CRYL1: variants seen among roughly 807,000 people sequenced by gnomAD.
CRYL1 encodes crystallin lambda 1.
A neutral mutation model predicts 36.6 loss-of-function variants in CRYL1; 29 were observed. The ratio of observed to expected loss-of-function variants is 0.79; its 90% confidence interval spans 0.59 to 1.08. CRYL1 has a LOEUF of 1.08. Ranked by LOEUF, CRYL1 falls within the 50% of genes least tolerant of loss-of-function variation. The pLI, the probability that CRYL1 is intolerant of heterozygous loss-of-function variation, is 0.00. For missense variants in CRYL1, 411 were observed against 407.9 expected, an observed-to-expected ratio of 1.01 and a Z score of -0.06; for synonymous variants, 152 against 151.5, an observed-to-expected ratio of 1.00 and a Z score of -0.02.
chr13:20,470,753 A>T (rs2033034826), intron 3 of CRYL1, among the ~76,000 whole-genome samples: 1 of 151,998 alleles, frequency 6.6e-6, no homozygotes, highest in East Asian at 1.9e-4. Flanking sequence ...CACTAAAACT[A>T]CAAAAAATCA....
At chr13:20,486,343 T>C (rs1344549175) in intron 3 of CRYL1, among the ~76,000 whole-genome samples, 2 of 152,226 alleles carry the variant, frequency 1.3e-5, no homozygotes, top group Admixed American at 1.3e-4. Flanking sequence ...GCATGGCGAC[T>C]TGGTTTCCAC....
At chr13:20,479,668 G>A (rs2137458672) in intron 3 of CRYL1, among the ~76,000 whole-genome samples, 1 of 152,278 alleles carries the variant, frequency 6.6e-6, no homozygotes, top group South Asian at 2.1e-4. Context: ...GTGGAAAAAA[G>A]GCTGGAGGTA....
intron 3 of CRYL1, among the ~76,000 whole-genome samples, chr13:20,474,038 T>C (rs1242613688): frequency 1.6e-4 from 25 of 152,152 alleles, no homozygotes; most frequent in Non-Finnish European, 1.5e-5. Context: ...TCCCTACCTC[T>C]GGGCTGGGAA....
chr13:20,470,224 C>T (rs2137444241), intron 3 of CRYL1, among the ~76,000 whole-genome samples: 1 of 152,350 alleles, frequency 6.6e-6, no homozygotes, highest in South Asian at 2.1e-4. Flanking sequence ...TGGAAAGCCT[C>T]TGCCCCACTG....
In CRYL1 at chr13:20,512,600, C is replaced by T. The variant is rs764766449; in HGVS notation, c.42-50G>A. ...TCGAGTTAATTTAATAATCGAATGG[C>T]TTTTCATTCCTAACCCAGAATGAGT... On this transcript the variant is annotated intron_variant, in intron 1 of 7. Coordinates refer to ENST00000298248, the MANE Select transcript of CRYL1 (RefSeq NM_015974.3). 4.5e-6 allele frequency: 6 copies of T among 1,338,458 alleles called. No homozygotes were observed. In the East Asian group the frequency reaches 9.6e-5, roughly 22 times the overall value. 82.9% of individuals were successfully genotyped at this position (1,338,458 alleles called of 1,614,324 possible).
chr13:20,417,278 T>C (rs781716984), intron 5 of CRYL1, among the ~76,000 whole-genome samples: 3 of 152,184 alleles, frequency 2.0e-5, no homozygotes, highest in Non-Finnish European at 4.4e-5. Flanking sequence ...TGGCCTAATA[T>C]TATCATAACA....
At chr13:20,464,692 A>G (rs1009167049) in intron 3 of CRYL1, among the ~76,000 whole-genome samples, 2 of 152,200 alleles carry the variant, frequency 1.3e-5, no homozygotes, top group Non-Finnish European at 2.9e-5. Context: ...TTATTTATAC[A>G]TTAGCCTTTT....
chr13:20,516,589 C>T (rs1593503380), intron 1 of CRYL1, among the ~76,000 whole-genome samples: 1 of 152,110 alleles, frequency 6.6e-6, no homozygotes, highest in East Asian at 2.0e-4. Context: ...ACGCCATTCT[C>T]CTGCCTCAGC....
At chr13:20,490,501 T>C (rs1334719763) in intron 2 of CRYL1, among the ~76,000 whole-genome samples, 2 of 152,080 alleles carry the variant, frequency 1.3e-5, no homozygotes, top group African/African-American at 4.8e-5. Flanking sequence ...TTTGAGAAGA[T>C]GAAAACATGC....
chr13:20,510,653 C>T (rs1308008010), intron 2 of CRYL1, among the ~76,000 whole-genome samples: 1 of 150,770 alleles, frequency 6.6e-6, no homozygotes, highest in Non-Finnish European at 1.5e-5. Context: ...CACTCTGTAG[C>T]CCAAGCTGGA....
chr13:20,412,046 A>G (rs111487904), intron 6 of CRYL1, among the ~76,000 whole-genome samples: 1,879 of 152,222 alleles, frequency 0.012, 33 homozygotes, highest in African/African-American at 0.042. Context: ...GAGGTCACCA[A>G]CTCTCAACCT....
intron 4 of CRYL1, among the ~76,000 whole-genome samples, chr13:20,434,651 C>A (rs1338055865): frequency 6.7e-6 from 1 of 148,484 alleles, no homozygotes; most frequent in East Asian, 2.0e-4. Flanking sequence ...CGTTAACCCA[C>A]TCCGCTGTCT....
At chr13:20,437,185 G>A (rs184595651) in intron 4 of CRYL1, among the ~76,000 whole-genome samples, 118 of 152,084 alleles carry the variant, frequency 7.8e-4, no homozygotes, top group Non-Finnish European at 6.9e-4. Flanking sequence ...AGAGAGAGAG[G>A]TGGGCAGCTG....
In CRYL1 at chr13:20,420,701, T is replaced by TTTTTTTTTTTTTTTTTTTTTGTGTG; in HGVS notation, c.634-7315_634-7314insCACACAAAAAAAAAAAAAAAAAAAA. On this transcript the variant is annotated intron_variant, in intron 5 of 7. Transcript: ENST00000298248. ...CTTTGACTTTTCTTTAAAATAGAGGTTGTGTGTGTGTGTGTGTGTGTGTGT... is the reference window on the plus strand; with the variant it reads ...CTTTGACTTTTCTTTAAAATAGAGGTTTTTTTTTTTTTTTTTTTTTGTGTGTGTGTGTGTGTGTGTGTGTGTGTGT... Among the ~76,000 whole-genome samples the TTTTTTTTTTTTTTTTTTTTTGTGTG allele has an allele frequency of 3.2e-4, 7 of 21,834 alleles. 2 individuals are homozygous for TTTTTTTTTTTTTTTTTTTTTGTGTG. Among genetic ancestry groups the TTTTTTTTTTTTTTTTTTTTTGTGTG allele is most frequent in the Non-Finnish European group, 8.2e-4 (6 of 7,322 alleles). The allele number at this position is 21,834 out of a possible 152,430, so 14.3% of individuals were successfully genotyped here.
chr13:20,421,378 A>G (rs73441786), intron 5 of CRYL1, among the ~76,000 whole-genome samples: 1,992 of 152,288 alleles, frequency 0.013, 44 homozygotes, highest in African/African-American at 0.043. Flanking sequence ...TTACTACAAT[A>G]AGTTTTGAAC....
At chr13:20,412,347 G>A (rs1348907306) in intron 6 of CRYL1, among the ~76,000 whole-genome samples, 1 of 152,042 alleles carries the variant, frequency 6.6e-6, no homozygotes, top group East Asian at 1.9e-4. Flanking sequence ...TTTGTTAAAT[G>A]CAGGCCATGG....
chr13:20,494,828 G>A (rs1029637122), intron 2 of CRYL1, among the ~76,000 whole-genome samples: 1 of 152,224 alleles, frequency 6.6e-6, no homozygotes, highest in African/African-American at 2.4e-5. Context: ...GACTCAGGCT[G>A]AGGAATGTGC....
intron 5 of CRYL1, among the ~76,000 whole-genome samples, chr13:20,423,228 A>C (rs1049297652): frequency 6.6e-6 from 1 of 152,234 alleles, no homozygotes; most frequent in Non-Finnish European, 1.5e-5. Context: ...GTGACAATTT[A>C]ACTTCATTTC....
intron 2 of CRYL1, among the ~76,000 whole-genome samples, chr13:20,500,921 A>T (rs2033691261): frequency 6.6e-6 from 1 of 152,184 alleles, no homozygotes; most frequent in Admixed American, 6.5e-5. Flanking sequence ...CATCTCAAAA[A>T]AAAAAGTGTT....
Sources: gnomAD v4.1 joint callset for allele counts (sites outside exome capture counted in the v4.1 genomes callset) on GRCh38, gnomAD v4.1.1 for gene constraint, MANE v1.5 for transcripts, NCBI Gene and HGNC (gene_info 2026-07-23, HGNC 2026-07-21) for gene names.